The following SEMA3A variants were observed in gnomAD, a reference collection of about 807,000 sequenced individuals.
The protein encoded by SEMA3A is semaphorin-3A.
Under a neutral mutation model 97.9 loss-of-function variants are expected in SEMA3A, and 29 were observed. The ratio of observed to expected loss-of-function variants is 0.30; its 90% CI spans 0.22 to 0.40. The LOEUF (loss-of-function observed/expected upper bound fraction) is 0.40. Among genes scored for constraint, SEMA3A ranks in the 10% least tolerant of loss-of-function variants. SEMA3A has a pLI of 1.00. For missense variants in SEMA3A, 763 were observed against 951.3 expected (o/e 0.80, Z 2.60); for synonymous variants, 321 against 323.7 (o/e 0.99, Z 0.09).
chr7:84,490,832 A>T (rs1806704667), intron 1 of SEMA3A, among the ~76,000 whole-genome samples: 1 of 152,130 alleles, frequency 6.6e-6, no homozygotes, highest in Non-Finnish European at 1.5e-5. Flanking sequence ...AGTCATTGAC[A>T]CGGTTACGGC....
chr7:84,066,795 T>A (rs535053556), intron 4 of SEMA3A, among the ~76,000 whole-genome samples: 1 of 152,194 alleles, frequency 6.6e-6, no homozygotes, highest in East Asian at 1.9e-4. Flanking sequence ...TCGAAGAACA[T>A]TCCATGCTCA....
chr7:84,062,031 C>G (rs907005170), intron 4 of SEMA3A, among the ~76,000 whole-genome samples: 2 of 152,080 alleles, frequency 1.3e-5, no homozygotes, highest in African/African-American at 4.8e-5. Flanking sequence ...AAAATGTCAG[C>G]ACATGTAAGG....
chr7:84,418,896 TAC>T (rs1455872627), intron 1 of SEMA3A, among the ~76,000 whole-genome samples: 1 of 151,796 alleles, frequency 6.6e-6, no homozygotes, highest in African/African-American at 2.4e-5. Context: ...CATATATATA[TAC>T]ACACATATAT....
At chr7:84,260,515 C>A (rs922022355) in intron 3 of SEMA3A, among the ~76,000 whole-genome samples, 21 of 152,268 alleles carry the variant, frequency 1.4e-4, no homozygotes, top group Admixed American at 1.4e-3. Flanking sequence ...AAGCCTTTCA[C>A]CCCTGAAGGC....
chr7:84,405,635 A>G (rs991801430), intron 1 of SEMA3A, among the ~76,000 whole-genome samples: 1 of 152,208 alleles, frequency 6.6e-6, no homozygotes, highest in African/African-American at 2.4e-5. Flanking sequence ...AAATGACCAC[A>G]TAGTTGGAAG....
At chr7:84,301,112 TAAACTTTGA>T (rs2115826042) in intron 3 of SEMA3A, among the ~76,000 whole-genome samples, 1 of 152,208 alleles carries the variant, frequency 6.6e-6, no homozygotes, top group South Asian at 2.1e-4. Context: ...AAACAGATTA[TAAACTTTGA>T]AAACTACAAG....
chr7:84,131,904 C>G (rs771641268), intron 2 of SEMA3A, among the ~76,000 whole-genome samples: 1 of 152,102 alleles, frequency 6.6e-6, no homozygotes, highest in Non-Finnish European at 1.5e-5. Context: ...ATTGTCCTGC[C>G]GCAGCCTTTA....
chr7:84,477,968 G>C (rs1806342465), intron 1 of SEMA3A, among the ~76,000 whole-genome samples: 1 of 152,114 alleles, frequency 6.6e-6, no homozygotes, highest in African/African-American at 2.4e-5. Context: ...TCCTATGTTA[G>C]GTAACTGTAA....
intron 2 of SEMA3A, among the ~76,000 whole-genome samples, chr7:84,318,083 C>T (rs562294182): frequency 1.1e-4 from 17 of 151,842 alleles, no homozygotes; most frequent in African/African-American, 2.7e-4. Flanking sequence ...GCAGTTAGTA[C>T]AATATTGCTC....
chr7:84,357,305 G>A (rs1802588261), intron 2 of SEMA3A, among the ~76,000 whole-genome samples: 1 of 136,360 alleles, frequency 7.3e-6, no homozygotes, highest in African/African-American at 2.7e-5. Context: ...CCCACAACAG[G>A]CCCTGGCATG....
At chr7:84,342,803 T>C (rs1461898462) in intron 2 of SEMA3A, among the ~76,000 whole-genome samples, 1 of 152,112 alleles carries the variant, frequency 6.6e-6, no homozygotes, top group African/African-American at 2.4e-5. Context: ...GGTAAGGAAT[T>C]ATAGAGATGA....
At chr7:84,346,471 T>G (rs1364820577) in intron 2 of SEMA3A, among the ~76,000 whole-genome samples, 2 of 152,152 alleles carry the variant, frequency 1.3e-5, no homozygotes, top group Non-Finnish European at 2.9e-5. Flanking sequence ...AAGTGAAAGA[T>G]GTGTGACCCT....
chr7:84,379,349 T>C (rs982442581), intron 1 of SEMA3A, among the ~76,000 whole-genome samples: 1 of 152,172 alleles, frequency 6.6e-6, no homozygotes, highest in Non-Finnish European at 1.5e-5. Flanking sequence ...ATGGTTAATA[T>C]CTCCAAAGCT....
intron 1 of SEMA3A, among the ~76,000 whole-genome samples, chr7:84,141,751 C>A (rs1453962899): frequency 1.3e-5 from 2 of 152,072 alleles, no homozygotes; most frequent in African/African-American, 2.4e-5. Context: ...GTGTTCTCAT[C>A]ATTTAGCTCG....
chr7:83,988,159 C>T (rs1789715398), intron 12 of SEMA3A, among the ~76,000 whole-genome samples: 1 of 152,136 alleles, frequency 6.6e-6, no homozygotes, highest in Admixed American at 6.6e-5. Flanking sequence ...CTTGCCCACT[C>T]CTTTCTACTC....
At chr7:84,270,708 C>T (rs1800126402) in intron 3 of SEMA3A, among the ~76,000 whole-genome samples, 1 of 148,562 alleles carries the variant, frequency 6.7e-6, no homozygotes, top group Admixed American at 6.8e-5. Context: ...TTATTATTTG[C>T]TTAGCTTTCT....
chr7:83,980,623 A>AATATATATATATAT (rs1554383378), intron 14 of SEMA3A, among the ~76,000 whole-genome samples: 1 of 71,762 alleles, frequency 1.4e-5, no homozygotes, highest in African/African-American at 8.3e-5. Context: ...AAAAAAAAAA[A>AATATATATATATAT]ATATATATAT....
At chr7:84,357,906 A>T (rs975221556) in intron 2 of SEMA3A, among the ~76,000 whole-genome samples, 6 of 151,926 alleles carry the variant, frequency 3.9e-5, no homozygotes, top group Non-Finnish European at 8.8e-5. Flanking sequence ...GCATTTTTTC[A>T]TATGTCTGTT....
chr7:84,247,741 T>G (rs772280617), intron 3 of SEMA3A, among the ~76,000 whole-genome samples: 1 of 152,178 alleles, frequency 6.6e-6, no homozygotes, highest in Non-Finnish European at 1.5e-5. Context: ...CTTACCCCAG[T>G]GAACACTCAC....
Sources: allele counts gnomAD v4.1 joint callset (sites outside exome capture counted in the v4.1 genomes callset), GRCh38; gene constraint gnomAD v4.1.1; transcripts MANE v1.5; gene names NCBI Gene and HGNC (gene_info 2026-07-23, HGNC 2026-07-21).